The following PDE1A variants were observed in gnomAD, a reference collection of about 807,000 sequenced individuals.
PDE1A encodes the protein phosphodiesterase 1A.
Under a neutral mutation model 61.7 loss-of-function variants are expected in PDE1A, and 35 were observed. The ratio of observed to expected loss-of-function variants is 0.57; its 90% CI spans 0.43 to 0.75. The LOEUF is 0.75. Among genes scored for constraint, PDE1A ranks in the 30% least tolerant of loss-of-function variants. The pLI, the probability that PDE1A is intolerant of heterozygous loss-of-function variation, is 0.00. For missense variants in PDE1A, 597 were observed against 630.6 expected (o/e 0.95, Z 0.57); for synonymous variants, 232 against 213.2 (o/e 1.09, Z -0.77).
At chr2:182,298,913 T>A (rs1227692888) in intron 1 of PDE1A, among the ~76,000 whole-genome samples, 1 of 151,692 alleles carries the variant, frequency 6.6e-6, no homozygotes, top group East Asian at 1.9e-4. Context: ...TAAAAACAGA[T>A]CAAGATCAGG....
At chr2:182,512,085 GCACA>G (rs113865713) in intron 2 of PDE1A, among the ~76,000 whole-genome samples, 10,022 of 152,184 alleles carry the variant, frequency 0.066, 351 homozygotes, top group Middle Eastern at 0.1. Flanking sequence ...TGGTGAATGT[GCACA>G]CAGAGCCCAC....
At chr2:182,373,196 A>T (rs1700212929) in intron 1 of PDE1A, among the ~76,000 whole-genome samples, 1 of 152,198 alleles carries the variant, frequency 6.6e-6, no homozygotes, top group South Asian at 2.1e-4. Flanking sequence ...ACACTGCATT[A>T]TAATAATGGA....
intron 1 of PDE1A, among the ~76,000 whole-genome samples, chr2:182,325,562 CAT>C (rs1399677563): frequency 6.6e-6 from 1 of 152,104 alleles, no homozygotes; most frequent in East Asian, 1.9e-4. Context: ...TTGTAAATCA[CAT>C]GTTTAATAAG....
At chr2:182,627,068 A>C in the PDE1A span, among the ~76,000 whole-genome samples, 4 of 6,562 alleles carry the variant, frequency 6.1e-4, no homozygotes, top group African/African-American at 9.0e-4. Flanking sequence ...ATAATATATT[A>C]TTTATATATA....
chr2:182,292,814 T>C (rs777237632), intron 1 of PDE1A, among the ~76,000 whole-genome samples: 1 of 152,078 alleles, frequency 6.6e-6, no homozygotes, highest in African/African-American at 2.4e-5. Flanking sequence ...CCAGTGGTTA[T>C]AATAATATGC....
intron 1 of PDE1A, among the ~76,000 whole-genome samples, chr2:182,328,594 A>G (rs952942839): frequency 8.5e-5 from 13 of 152,160 alleles, no homozygotes; most frequent in Admixed American, 6.6e-5. Flanking sequence ...GACGAGATGC[A>G]ACTTGAAGGC....
At chr2:182,424,342 T>A (rs1173759586) in intron 1 of PDE1A, among the ~76,000 whole-genome samples, 4 of 152,180 alleles carry the variant, frequency 2.6e-5, no homozygotes, top group Non-Finnish European at 5.9e-5. Context: ...CTGGCCCCAC[T>A]AGCACACAAA....
intron 1 of PDE1A, among the ~76,000 whole-genome samples, chr2:182,366,732 T>A (rs1471079445): frequency 6.6e-6 from 1 of 152,058 alleles, no homozygotes; most frequent in Non-Finnish European, 1.5e-5. Context: ...TCAGACTACA[T>A]GGGTTACTAT....
At chr2:182,215,785 AC>A (rs1159021171) in intron 7 of PDE1A, among the ~76,000 whole-genome samples, 1 of 72,034 alleles carries the variant, frequency 1.4e-5, no homozygotes, top group Admixed American at 1.6e-4. Context: ...TAGCTTACCA[AC>A]CAAAAAGAGT....
At chr2:182,451,778 A>T (rs1476641457) in intron 2 of PDE1A, among the ~76,000 whole-genome samples, 2 of 152,062 alleles carry the variant, frequency 1.3e-5, no homozygotes, top group Non-Finnish European at 2.9e-5. Context: ...ACCGCTTCCC[A>T]TGCAGCTCTG....
chr2:182,304,181 C>T (rs995452035), intron 1 of PDE1A, among the ~76,000 whole-genome samples: 3 of 152,178 alleles, frequency 2.0e-5, no homozygotes, highest in South Asian at 2.1e-4. Flanking sequence ...CATACCCGGC[C>T]GATGGCTTCT....
At chr2:182,401,699 T>G (rs138847157) in intron 1 of PDE1A, among the ~76,000 whole-genome samples, 5,921 of 152,186 alleles carry the variant, frequency 0.039, 141 homozygotes, top group Middle Eastern at 0.071. Context: ...AAGAAAGAAA[T>G]AAAGGGTATT....
intron 3 of PDE1A, among the ~76,000 whole-genome samples, chr2:182,235,608 T>C (rs1383247092): frequency 6.6e-6 from 1 of 152,216 alleles, no homozygotes; most frequent in Non-Finnish European, 1.5e-5. Context: ...TATTCGGGAC[T>C]CTGAAAGAAA....
chr2:182,588,658 TAAA>T, the PDE1A span, among the ~76,000 whole-genome samples: 1 of 152,202 alleles, frequency 6.6e-6, no homozygotes, highest in Non-Finnish European at 1.5e-5. Context: ...TAAAACCTAT[TAAA>T]GAAGGTTAGA....
intron 1 of PDE1A, among the ~76,000 whole-genome samples, chr2:182,274,656 T>C (rs1402693865): frequency 6.6e-6 from 1 of 152,102 alleles, no homozygotes; most frequent in East Asian, 1.9e-4. Flanking sequence ...TTATAAAAAT[T>C]ATTTTAGACT....
chr2:182,290,684 C>A (rs1364093112), intron 1 of PDE1A, among the ~76,000 whole-genome samples: 1 of 151,888 alleles, frequency 6.6e-6, no homozygotes, highest in African/African-American at 2.4e-5. Flanking sequence ...TTTTTTAGAG[C>A]CTTTTACTGT....
chr2:182,160,766 C>T (rs1691335939), intron 13 of PDE1A, among the ~76,000 whole-genome samples: 1 of 152,118 alleles, frequency 6.6e-6, no homozygotes, highest in Non-Finnish European at 1.5e-5. Context: ...AGCCAATTTT[C>T]CCCAATAAAT....
the PDE1A span, among the ~76,000 whole-genome samples, chr2:182,621,103 C>T: frequency 6.6e-6 from 1 of 152,300 alleles, no homozygotes; most frequent in South Asian, 2.1e-4. Flanking sequence ...ATGCATAAAG[C>T]AGCCATCTCC....
intron 2 of PDE1A, among the ~76,000 whole-genome samples, chr2:182,516,766 AAAG>A (rs1690204026): frequency 1.4e-5 from 2 of 144,060 alleles, no homozygotes; most frequent in African/African-American, 2.6e-5. Flanking sequence ...AAAGAAAAAG[AAAG>A]AAAGAAAGAA....
Sources: gnomAD v4.1 joint callset for allele counts (sites outside exome capture counted in the v4.1 genomes callset) on GRCh38, gnomAD v4.1.1 for gene constraint, MANE v1.5 for transcripts, NCBI Gene and HGNC (gene_info 2026-07-23, HGNC 2026-07-21) for gene names.